The following DYM variants were observed in gnomAD, a reference collection of about 807,000 sequenced individuals.
DYM encodes the protein dyggve-Melchior-Clausen syndrome protein.
In DYM, 78 loss-of-function variants were observed where a neutral mutation model predicts 93.1. The observed-to-expected ratio is 0.84, with a 90% CI of 0.70 to 1.01. DYM has a LOEUF of 1.01. DYM is among the 50% of genes least tolerant of loss of function. The probability of loss-of-function intolerance (pLI) is 0.00; values close to 1 mark genes in which losing one functional copy is unlikely to be tolerated. For synonymous variants in DYM, 321 were observed against 319.7 expected (o/e 1.00, Z -0.04); for missense variants, 789 against 845.0 (o/e 0.93, Z 0.82).
chr18:49,108,531 T>C (rs1330015932), intron 16 of DYM, among the ~76,000 whole-genome samples: 1 of 152,256 alleles, frequency 6.6e-6, no homozygotes, highest in East Asian at 1.9e-4. Flanking sequence ...GCTGTTCCTA[T>C]TCGGCCATCT....
intron 6 of DYM, among the ~76,000 whole-genome samples, chr18:49,345,900 A>G (rs959716716): frequency 2.0e-5 from 3 of 152,210 alleles, no homozygotes; most frequent in African/African-American, 7.2e-5. Flanking sequence ...GCAAAAACAA[A>G]TTAACAATGT....
chr18:49,339,297 T>C lies in DYM; in HGVS notation c.495-5444A>G, dbSNP rs116265396. Among the ~76,000 whole-genome samples, 1,515 of 152,280 alleles carry C rather than the reference T, an allele frequency of 9.9e-3. 23 individuals are homozygous for C. The highest frequency in any genetic ancestry group is 0.035 in the African/African-American group (1,447 of 41,554). On this transcript the variant is annotated intron_variant, in intron 6 of 17. Coordinates refer to ENST00000675505, the MANE Select transcript of DYM (RefSeq NM_001353214.3). The stretch of plus-strand genomic sequence containing the variant: ...TCCACAGAGATATGTCTGAGAAATA[T>C]AGTAGGCATCCTCTAAAATGACCCC...
At chr18:49,220,061 G>C (rs930768031) in intron 13 of DYM, among the ~76,000 whole-genome samples, 6 of 152,134 alleles carry the variant, frequency 3.9e-5, no homozygotes, top group South Asian at 2.1e-4. Flanking sequence ...CAAAGTCCCA[G>C]GATACAAAAT....
At chr18:49,156,112 T>A (rs2086388369) in intron 15 of DYM, among the ~76,000 whole-genome samples, 1 of 152,224 alleles carries the variant, frequency 6.6e-6, no homozygotes, top group Non-Finnish European at 1.5e-5. Flanking sequence ...TGGTATCTCA[T>A]GGTTTTGATC....
At chr18:49,417,466 C>T (rs773739438) in intron 2 of DYM, among the ~76,000 whole-genome samples, 1 of 152,086 alleles carries the variant, frequency 6.6e-6, no homozygotes, top group Non-Finnish European at 1.5e-5. Flanking sequence ...AGGCTATTCA[C>T]TGCTACATTA....
Position 49,286,555 on chromosome 18 carries a change from C to T in DYM, c.825G>A (p.Glu275=), listed in dbSNP as rs767132590. Residue 275 remains glutamate, a synonymous_variant, in exon 9 of 18, where the codon GAG becomes GAA. Transcript: ENST00000675505. ...TCTGGTTGGCCAGAGGGGAAGAAAGCTCTGGAGAGGCAGCCGCTTTGCTGC... is the reference window on the plus strand; with the variant it reads ...TCTGGTTGGCCAGAGGGGAAGAAAGTTCTGGAGAGGCAGCCGCTTTGCTGC... ...GVGSKAAASP[E]LSSPLANQSL... is the part of the protein sequence containing the mutation. 1.2e-6 allele frequency: 2 copies of T among 1,614,128 alleles called. No homozygotes were observed. The highest frequency in any genetic ancestry group is 2.2e-5 in the East Asian group (1 of 44,864).
intron 17 of DYM, among the ~76,000 whole-genome samples, chr18:49,092,889 C>T (rs559319741): frequency 1.3e-5 from 2 of 152,148 alleles, no homozygotes; most frequent in Admixed American, 1.3e-4. Context: ...GTCCTTGGGA[C>T]AGCAAGCCAT....
rs558653815 is a variant in DYM, at chr18:49,315,675, AT to A, written c.763+16188del. ...AAATAATTAGCACAATTATTTTCTAATTCTGCCAGAATCTTAAATAAAACAT... is the reference window on the plus strand; with the variant it reads ...AAATAATTAGCACAATTATTTTCTAATCTGCCAGAATCTTAAATAAAACAT... On this transcript the variant is annotated intron_variant, in intron 8 of 17. Coordinates refer to ENST00000675505, the MANE Select transcript of DYM (RefSeq NM_001353214.3). 4.6e-5 allele frequency among the ~76,000 whole-genome samples: 7 copies of A among 152,362 alleles called. No individual in the cohort carries two copies. In the East Asian group the frequency reaches 1.3e-3, roughly 29 times the overall value.
chr18:49,044,146 A>T lies in DYM; in HGVS notation c.2084T>A (p.Ile695Asn). The change falls in exon 18 of 18, where the codon ATC (isoleucine) becomes AAC (asparagine). Residue 695 changes from isoleucine (I) to asparagine (N), a missense_variant. Physicochemically the swap from Ile to Asn is moderately radical, Grantham distance 149. Transcript: ENST00000675505. ...GTAGACAAGAGACCAGACATAGGGG[A>T]TAAAAAACTCCTCGGGCTGCTCCTC... Reference protein sequence around the residue: ...VEEEQPEEFFIPYVWSLVYNS... With the variant: ...VEEEQPEEFFNPYVWSLVYNS... The T allele has an allele frequency of 6.2e-7, 1 of 1,614,198 alleles. No homozygotes were observed. The highest frequency in any genetic ancestry group is 1.3e-5 in the African/African-American group (1 of 75,050).
chr18:49,366,114 G>GT (rs2066497220), intron 5 of DYM, among the ~76,000 whole-genome samples: 2 of 152,016 alleles, frequency 1.3e-5, no homozygotes, highest in Admixed American at 1.3e-4. Context: ...CTAAATTCTT[G>GT]TTTCTCAGCT....
At chr18:49,230,891 T>C (rs907803385) in intron 13 of DYM, among the ~76,000 whole-genome samples, 5 of 152,162 alleles carry the variant, frequency 3.3e-5, no homozygotes, top group Admixed American at 6.5e-5. Flanking sequence ...ATAACCTATA[T>C]GTAGAAATAA....
At chr18:49,056,842 C>T (rs1275971544) in intron 17 of DYM, among the ~76,000 whole-genome samples, 3 of 152,192 alleles carry the variant, frequency 2.0e-5, no homozygotes, top group Admixed American at 6.5e-5. Context: ...CCACCGCGCC[C>T]GGCCACACCT....
At chr18:49,434,142 G>A (rs762155624) in intron 1 of DYM, among the ~76,000 whole-genome samples, 1 of 152,060 alleles carries the variant, frequency 6.6e-6, no homozygotes, top group Admixed American at 6.6e-5. Flanking sequence ...TCAGGAGATC[G>A]AGACCATCCT....
intron 13 of DYM, among the ~76,000 whole-genome samples, chr18:49,247,279 A>G (rs2094192383): frequency 6.6e-6 from 1 of 152,150 alleles, no homozygotes; most frequent in African/African-American, 2.4e-5. Flanking sequence ...AGAAATGAAT[A>G]TTCTGGCTCC....
intron 16 of DYM, chr18:49,118,542 T>G: frequency 1.8e-6 from 1 of 559,676 alleles, no homozygotes; most frequent in Non-Finnish European, 3.2e-6. Context: ...GAAGTATGAC[T>G]TCAATTGTAT....
At position 49,047,495 on chromosome 18, in the gene DYM, T is replaced by G. The variant is rs1162004785; in HGVS notation, c.2026-3291A>C. On this transcript the variant is annotated intron_variant, in intron 17 of 17. Coordinates refer to ENST00000675505, the MANE Select transcript of DYM (RefSeq NM_001353214.3). ...CTTGCTGACACGAGTCAGAGTTCAA[T>G]GAGGCCCCAGCTTTATTTTTCTTTC... 2.6e-5 allele frequency among the ~76,000 whole-genome samples: 4 copies of G among 152,216 alleles called. No homozygotes were observed. The East Asian group carries it at 7.7e-4, about 29-fold the overall frequency.
chr18:49,191,293 A>T (rs531235416), intron 14 of DYM, among the ~76,000 whole-genome samples: 1 of 151,982 alleles, frequency 6.6e-6, no homozygotes, highest in Non-Finnish European at 1.5e-5. Context: ...CTCAGTTGGT[A>T]ATTACTCTTA....
intron 2 of DYM, among the ~76,000 whole-genome samples, chr18:49,403,361 C>T (rs1191560711): frequency 6.6e-6 from 1 of 152,130 alleles, no homozygotes; most frequent in Non-Finnish European, 1.5e-5. Context: ...AGAAAATCAA[C>T]ATCCTTGTTC....
intron 13 of DYM, among the ~76,000 whole-genome samples, chr18:49,236,158 G>A (rs979984964): frequency 7.2e-5 from 11 of 152,128 alleles, no homozygotes; most frequent in South Asian, 6.2e-4. Flanking sequence ...AGAATGGCCT[G>A]CGAAATGCCC....
Sources: allele counts gnomAD v4.1 joint callset (sites outside exome capture counted in the v4.1 genomes callset), GRCh38; gene constraint gnomAD v4.1.1; transcripts MANE v1.5; gene names NCBI Gene and HGNC (gene_info 2026-07-23, HGNC 2026-07-21).